Variants in APOBEC1 observed in about 807,000 individuals in gnomAD.
The protein encoded by APOBEC1 is apolipoprotein B mRNA editing enzyme catalytic subunit 1, also known as C->U-editing enzyme APOBEC-1.
A neutral mutation model predicts 26.3 loss-of-function variants in APOBEC1; 22 were observed. The ratio of observed to expected loss-of-function variants is 0.84; its 90% confidence interval spans 0.60 to 1.19. The LOEUF (loss-of-function observed/expected upper bound fraction) is 1.19, where lower values mean the gene tolerates loss of function less well. Ranked by LOEUF, APOBEC1 falls within the 50% of genes most tolerant of loss-of-function variation. The pLI is 0.00. For missense variants in APOBEC1, 253 were observed against 289.0 expected, an observed-to-expected ratio of 0.88 and a Z score of 0.90; for synonymous variants, 77 against 95.3, an observed-to-expected ratio of 0.81 and a Z score of 1.12.
chr12:7,649,825 A>G lies in APOBEC1; in HGVS notation c.562-129T>C, dbSNP rs922797745. On this transcript the variant is annotated intron_variant, in intron 4 of 4. Coordinates refer to ENST00000229304, the MANE Select transcript of APOBEC1 (RefSeq NM_001644.5). Reference sequence around the variant, plus strand: ...ATTTCTTCTTTTTTTTTTTTCCCAGACAGGGTCTGGTTCTGGACTCACTGC... The same window carrying G: ...ATTTCTTCTTTTTTTTTTTTCCCAGGCAGGGTCTGGTTCTGGACTCACTGC... 41 of 827,620 alleles carry G rather than the reference A, an allele frequency of 5.0e-5. No individual in the cohort carries two copies. The African/African-American group carries it at 6.6e-4, about 13-fold the overall frequency. 51.3% of individuals were successfully genotyped at this position (827,620 alleles called of 1,614,324 possible).
intron 1 of APOBEC1, among the ~76,000 whole-genome samples, chr12:7,657,749 G>A (rs1863736515): frequency 6.6e-6 from 1 of 151,988 alleles, no homozygotes; most frequent in Non-Finnish European, 1.5e-5. Flanking sequence ...AGTGGTGCAT[G>A]CCTGTAGTCC....
Position 7,649,476 on chromosome 12 carries a change from A to G in APOBEC1, c.*71T>C. ...TACCTTGTGAACATTTCTAGATTCTAAATGGCATTCACTCTTTAGTGGGTC... is the reference window on the plus strand; with the variant it reads ...TACCTTGTGAACATTTCTAGATTCTGAATGGCATTCACTCTTTAGTGGGTC... On this transcript the variant is annotated 3_prime_UTR_variant, in exon 5 of 5. Transcript: ENST00000229304. The G allele has an allele frequency of 6.6e-7, 1 of 1,513,106 alleles. No individual in the cohort carries two copies. Among genetic ancestry groups the G allele is most frequent in the Non-Finnish European group, 9.0e-7 (1 of 1,106,672 alleles). The allele number at this position is 1,513,106 out of a possible 1,614,324, so 93.7% of individuals were successfully genotyped here. A position where few individuals can be genotyped will look rare whatever the true frequency, so the allele number is the denominator to read the frequency against.
upstream of APOBEC1, among the ~76,000 whole-genome samples, chr12:7,669,655 C>G (rs991175754): frequency 1.3e-5 from 2 of 152,122 alleles, no homozygotes; most frequent in Non-Finnish European, 2.9e-5. Context: ...ATCCTCCTGC[C>G]TTGGCCTCCC....
chr12:7,654,356 G>T (rs954188159), intron 2 of APOBEC1, among the ~76,000 whole-genome samples: 2 of 143,030 alleles, frequency 1.4e-5, no homozygotes, highest in African/African-American at 5.1e-5. Context: ...AATAAAGAAA[G>T]CTATATCCAC....
chr12:7,669,677 G>C (rs1272521592), upstream of APOBEC1, among the ~76,000 whole-genome samples: 1 of 152,038 alleles, frequency 6.6e-6, no homozygotes, highest in Non-Finnish European at 1.5e-5. Context: ...AAAGTTCTGG[G>C]ATTACAGGTG....
chr12:7,649,791 G>A (rs1863613894), intron 4 of APOBEC1, 95 bp from the exon 5 acceptor site: 1 of 991,238 alleles, frequency 1.0e-6, no homozygotes, highest in East Asian at 2.6e-5. Flanking sequence ...GTTGGAAGAC[G>A]ATTTAACTAT....
At chr12:7,650,925 A>T (rs1194888840) in intron 4 of APOBEC1, 98 bp downstream of exon 4, 11 of 834,820 alleles carry the variant, frequency 1.3e-5, no homozygotes, top group Non-Finnish European at 2.2e-5. Context: ...CTCAATATAA[A>T]TGTCAAAAAG....
chr12:7,663,855 G>C (rs925369220), intron 1 of APOBEC1, among the ~76,000 whole-genome samples: 1 of 147,488 alleles, frequency 6.8e-6, no homozygotes, highest in Non-Finnish European at 1.5e-5. Flanking sequence ...ACTTAAAAAA[G>C]AATTTTTTTT....
intron 3 of APOBEC1, among the ~76,000 whole-genome samples, 196 bp downstream of exon 3, chr12:7,652,242 G>C (rs992082362): frequency 1.3e-5 from 2 of 152,178 alleles, no homozygotes. Flanking sequence ...ATAGGCATGA[G>C]CCACCATGCG....
At chr12:7,662,735 T>C (rs1863836921) in intron 1 of APOBEC1, among the ~76,000 whole-genome samples, 1 of 152,058 alleles carries the variant, frequency 6.6e-6, no homozygotes, top group South Asian at 2.1e-4. Context: ...GAGCAAGACA[T>C]GTGGACGTCG....
rs11611063 is a variant in APOBEC1, at chr12:7,651,569, A to T, written c.443-428T>A. ...GGAGCTTGCAGTGAGTCGAGATTGCACCACTGCACTCCAGCCTGGGCGAAA... is the reference window on the plus strand; with the variant it reads ...GGAGCTTGCAGTGAGTCGAGATTGCTCCACTGCACTCCAGCCTGGGCGAAA... On this transcript the variant is annotated intron_variant, in intron 3 of 4. Transcript: ENST00000229304. 2.0e-4 allele frequency among the ~76,000 whole-genome samples: 30 copies of T among 147,150 alleles called. 1 individual carries two copies. The highest frequency in any genetic ancestry group is 4.3e-4 in the Non-Finnish European group (29 of 67,080).
chr12:7,652,966 G>T, intron 2 of APOBEC1, 131 bp from the exon 3 acceptor site: 1 of 814,920 alleles, frequency 1.2e-6, no homozygotes. Context: ...GTCTCACACT[G>T]TTGCCCAGAC....
chr12:7,655,806 C>T (rs1863706857), intron 1 of APOBEC1, among the ~76,000 whole-genome samples: 2 of 152,064 alleles, frequency 1.3e-5, no homozygotes, highest in South Asian at 4.1e-4. Context: ...CTGGGCAACA[C>T]AGTGAGACCC....
In APOBEC1 at chr12:7,660,360, G is replaced by GA. The variant is rs1565442325; in HGVS notation, c.16+5496dup. On this transcript the variant is annotated intron_variant, in intron 1 of 4. Transcript: ENST00000229304. ...GGAAGGAAGGAAGGAAGGAAGGAAG[G>GA]AAGGAAGGAAGGAAGGAAAGAAAGA... Among the ~76,000 whole-genome samples the GA allele has an allele frequency of 4.1e-3, 126 of 30,474 alleles. 1 individual carries two copies. The highest frequency in any genetic ancestry group is 8.0e-3 in the African/African-American group (122 of 15,320). The allele number at this position is 30,474 out of a possible 152,430, so 20.0% of individuals were successfully genotyped here.
upstream of APOBEC1, among the ~76,000 whole-genome samples, chr12:7,669,817 C>T (rs1863931910): frequency 6.6e-6 from 1 of 151,936 alleles, no homozygotes; most frequent in South Asian, 2.1e-4. Context: ...TAATGTCAGC[C>T]CTGTTAGTTA....
At chr12:7,659,309 AAAAAAAAAAAAAAAT>A (rs1863764495) in intron 1 of APOBEC1, among the ~76,000 whole-genome samples, 1 of 94,870 alleles carries the variant, frequency 1.1e-5, no homozygotes. Flanking sequence ...AAAAAAAAAA[AAAAAAAAAAAAAAAT>A]ATATATATAT....
At chr12:7,665,726 A>G (rs1220706522) in intron 1 of APOBEC1, 131 bp downstream of exon 1, 1 of 998,230 alleles carries the variant, frequency 1.0e-6, no homozygotes, top group African/African-American at 1.6e-5. Context: ...AAGTTTGAAA[A>G]CACCCACAGA....
At chr12:7,660,375 G>GGAAGGAAAGAAAGAAAAAGAAAAA (rs61183510) in intron 1 of APOBEC1, among the ~76,000 whole-genome samples, 1 of 23,950 alleles carries the variant, frequency 4.2e-5, no homozygotes, top group Non-Finnish European at 9.8e-5. Flanking sequence ...AAGGAAGGAA[G>GGAAGGAAAGAAAGAAAAAGAAAAA]GAAAGAAAGA....
chr12:7,668,916 G>T (rs928342582), upstream of APOBEC1, among the ~76,000 whole-genome samples: 2 of 152,112 alleles, frequency 1.3e-5, no homozygotes, highest in Non-Finnish European at 2.9e-5. Context: ...ACTTTTAGTA[G>T]AGATGAGGTT....
Sources: allele counts gnomAD v4.1 joint callset (sites outside exome capture counted in the v4.1 genomes callset), GRCh38; gene constraint gnomAD v4.1.1; transcripts MANE v1.5; gene names NCBI Gene and HGNC (gene_info 2026-07-23, HGNC 2026-07-21).